DSCAM: variants seen among roughly 807,000 people sequenced by gnomAD.
The protein encoded by DSCAM is cell adhesion molecule DSCAM.
In DSCAM, 47 loss-of-function variants were observed where a neutral mutation model predicts 217.7. The observed-to-expected ratio is 0.22, with a 90% CI of 0.17 to 0.28. The LOEUF (loss-of-function observed/expected upper bound fraction) is 0.28. Ranked by LOEUF, DSCAM falls within the 10% of genes least tolerant of loss-of-function variation. The probability of loss-of-function intolerance (pLI) is 1.00; values close to 1 mark genes in which losing one functional copy is unlikely to be tolerated. For synonymous variants in DSCAM, 1,056 were observed against 1,015.3 expected, an observed-to-expected ratio of 1.04 and a Z score of -0.76; for missense variants, 2,080 against 2,618.3, an observed-to-expected ratio of 0.79 and a Z score of 4.49.
chr21:40,320,046 G>A (rs140149346), intron 8 of DSCAM, among the ~76,000 whole-genome samples: 173 of 152,254 alleles, frequency 1.1e-3, no homozygotes, highest in African/African-American at 4.1e-3. Flanking sequence ...TGAAAGCATG[G>A]GTAAGGGGAG....
intron 3 of DSCAM, among the ~76,000 whole-genome samples, chr21:40,546,406 G>C (rs2146144407): frequency 6.6e-6 from 1 of 152,306 alleles, no homozygotes; most frequent in South Asian, 2.1e-4. Context: ...ACAGATCATG[G>C]GCTTTGGGTC....
intron 3 of DSCAM, among the ~76,000 whole-genome samples, chr21:40,456,516 T>C (rs1398997925): frequency 1.3e-5 from 2 of 152,040 alleles, no homozygotes; most frequent in African/African-American, 4.8e-5. Context: ...AAAATCTTCC[T>C]GACAATCAGA....
At chr21:40,621,841 A>T (rs2089521805) in intron 3 of DSCAM, among the ~76,000 whole-genome samples, 1 of 146,188 alleles carries the variant, frequency 6.8e-6, no homozygotes, top group Admixed American at 6.9e-5. Context: ...GATCAAGATG[A>T]AAATGTGAAC....
chr21:40,768,335 C>T (rs1349937672), intron 1 of DSCAM, among the ~76,000 whole-genome samples: 3 of 140,666 alleles, frequency 2.1e-5, no homozygotes, highest in African/African-American at 7.6e-5. Context: ...CCCACCCCCA[C>T]CCTGAGGGGC....
chr21:40,603,918 T>C (rs535146190), intron 3 of DSCAM, among the ~76,000 whole-genome samples: 2 of 139,044 alleles, frequency 1.4e-5, no homozygotes, highest in South Asian at 2.4e-4. Context: ...TAGACTTTTT[T>C]GCATTTCTTT....
At chr21:40,766,953 TG>T (rs1392746736) in intron 1 of DSCAM, among the ~76,000 whole-genome samples, 1 of 152,136 alleles carries the variant, frequency 6.6e-6, no homozygotes, top group Non-Finnish European at 1.5e-5. Flanking sequence ...CCCAAAGTGG[TG>T]GGATTACAGG....
intron 16 of DSCAM, among the ~76,000 whole-genome samples, chr21:40,152,123 A>G (rs1053805678): frequency 3.3e-5 from 5 of 151,594 alleles, no homozygotes; most frequent in Non-Finnish European, 5.9e-5. Context: ...ATGGAAAAAA[A>G]AAAACACAAA....
At chr21:40,540,139 C>T (rs933506581) in intron 3 of DSCAM, among the ~76,000 whole-genome samples, 1 of 152,128 alleles carries the variant, frequency 6.6e-6, no homozygotes, top group Admixed American at 6.5e-5. Flanking sequence ...AACTGTCATG[C>T]TTCTGGGCCG....
chr21:40,300,007 T>C (rs948385708), intron 9 of DSCAM, among the ~76,000 whole-genome samples: 24 of 152,002 alleles, frequency 1.6e-4, no homozygotes, highest in Non-Finnish European at 1.2e-4. Flanking sequence ...CTTTGACCCC[T>C]CCCAGAATTG....
At chr21:40,031,166 G>A (rs1488332755) in intron 32 of DSCAM, among the ~76,000 whole-genome samples, 2 of 152,256 alleles carry the variant, frequency 1.3e-5, no homozygotes, top group Non-Finnish European at 2.9e-5. Context: ...TAATCATTGC[G>A]AAATCCTGGG....
intron 3 of DSCAM, among the ~76,000 whole-genome samples, chr21:40,591,863 A>G (rs2076986810): frequency 6.6e-6 from 1 of 152,194 alleles, no homozygotes; most frequent in South Asian, 2.1e-4. Context: ...AGCTTGTTGG[A>G]CCCATTTTAC....
At chr21:40,068,003 T>C (rs1380617639) in intron 27 of DSCAM, among the ~76,000 whole-genome samples, 1 of 151,988 alleles carries the variant, frequency 6.6e-6, no homozygotes, top group Non-Finnish European at 1.5e-5. Context: ...CAGCCTGAGA[T>C]TCAGACTTCG....
chr21:40,375,877 TA>T (rs1450689865), intron 3 of DSCAM, among the ~76,000 whole-genome samples: 1 of 152,200 alleles, frequency 6.6e-6, no homozygotes. Context: ...GTAGACTGCA[TA>T]AAAAGAGTTT....
chr21:40,782,665 G>A (rs1053504645), intron 1 of DSCAM, among the ~76,000 whole-genome samples: 1 of 152,062 alleles, frequency 6.6e-6, no homozygotes, highest in Non-Finnish European at 1.5e-5. Flanking sequence ...AGGAGGTTGA[G>A]GTTGCAGGGA....
intron 20 of DSCAM, among the ~76,000 whole-genome samples, chr21:40,104,194 A>G (rs1021630158): frequency 6.6e-6 from 1 of 152,154 alleles, no homozygotes; most frequent in Non-Finnish European, 1.5e-5. Context: ...TCAAAGTTAC[A>G]TTATTAATTT....
intron 3 of DSCAM, among the ~76,000 whole-genome samples, chr21:40,497,235 G>C (rs1601691435): frequency 6.6e-6 from 1 of 152,034 alleles, no homozygotes; most frequent in East Asian, 1.9e-4. Context: ...ACAAAAATTA[G>C]AATCAACCTA....
intron 19 of DSCAM, among the ~76,000 whole-genome samples, chr21:40,126,040 T>C (rs1030801570): frequency 1.3e-5 from 2 of 152,208 alleles, no homozygotes; most frequent in Non-Finnish European, 2.9e-5. Context: ...TTCCAACCTG[T>C]TTGTGACAAT....
rs1171229284 is a variant in DSCAM at position 40,283,215 on chromosome 21, A to G, written c.2183-6945T>C. On this transcript the variant is annotated intron_variant, in intron 10 of 32. Transcript: ENST00000400454. Reference sequence around the variant, plus strand: ...TAAAGAGTAAAATTTAACCCAAAGCATCAATATGTAAAATCCTGTAATCTT... The same window carrying G: ...TAAAGAGTAAAATTTAACCCAAAGCGTCAATATGTAAAATCCTGTAATCTT... Among the ~76,000 whole-genome samples, 3 of 152,224 alleles carry G rather than the reference A, an allele frequency of 2.0e-5. No individual in the cohort carries two copies. The South Asian group carries it at 6.2e-4, about 31-fold the overall frequency.
At chr21:40,767,199 CTG>C (rs1323799900) in intron 1 of DSCAM, among the ~76,000 whole-genome samples, 1 of 152,142 alleles carries the variant, frequency 6.6e-6, no homozygotes, top group Admixed American at 6.5e-5. Flanking sequence ...TAGTTTCACT[CTG>C]AGAAAACCAG....
Sources: allele counts gnomAD v4.1 joint callset (sites outside exome capture counted in the v4.1 genomes callset), GRCh38; gene constraint gnomAD v4.1.1; transcripts MANE v1.5; gene names NCBI Gene and HGNC (gene_info 2026-07-23, HGNC 2026-07-21).